The following CSMD1 variants were observed in gnomAD, a reference collection of about 807,000 sequenced individuals.
CSMD1 encodes CUB and sushi domain-containing protein 1.
CSMD1 carries 213 observed loss-of-function variants against 417.5 expected under a neutral mutation model. The observed-to-expected ratio is 0.51, with a 90% CI of 0.46 to 0.57. The LOEUF (loss-of-function observed/expected upper bound fraction) is 0.57, where lower values mean the gene tolerates loss of function less well. Ranked by LOEUF, CSMD1 falls within the 20% of genes least tolerant of loss-of-function variation. The pLI, the probability that CSMD1 is intolerant of heterozygous loss-of-function variation, is 0.00. For synonymous variants in CSMD1, 2,862 were observed against 1,736.8 expected, an observed-to-expected ratio of 1.65 and a Z score of -16.11; for missense variants, 6,923 against 4,529.7, an observed-to-expected ratio of 1.53 and a Z score of -15.17.
At chr8:3,682,797 G>A (rs1171669116) in intron 7 of CSMD1, among the ~76,000 whole-genome samples, 1 of 152,128 alleles carries the variant, frequency 6.6e-6, no homozygotes, top group Non-Finnish European at 1.5e-5. Flanking sequence ...CAACCTAAAT[G>A]TCCAACAATG....
chr8:4,303,087 T>G (rs1798066409), intron 3 of CSMD1, among the ~76,000 whole-genome samples: 1 of 152,038 alleles, frequency 6.6e-6, no homozygotes, highest in Admixed American at 6.6e-5. Context: ...ACACAGACAA[T>G]TTTTGAGTAA....
chr8:4,144,427 G>T (rs899042556), intron 3 of CSMD1, among the ~76,000 whole-genome samples: 3 of 151,234 alleles, frequency 2.0e-5, no homozygotes, highest in Non-Finnish European at 2.9e-5. Flanking sequence ...CTGAAGTGAA[G>T]AATCACATTT....
chr8:4,021,159 G>A (rs1019511870), intron 4 of CSMD1, among the ~76,000 whole-genome samples: 5 of 152,178 alleles, frequency 3.3e-5, no homozygotes, highest in Admixed American at 2.0e-4. Flanking sequence ...TCATGAGCAC[G>A]TGAAATGTGG....
At chr8:3,098,331 G>A (rs1033771198) in intron 46 of CSMD1, among the ~76,000 whole-genome samples, 2 of 152,172 alleles carry the variant, frequency 1.3e-5, no homozygotes, top group Non-Finnish European at 2.9e-5. Context: ...TTTTCAAACA[G>A]ATGAGCGAAG....
intron 5 of CSMD1, among the ~76,000 whole-genome samples, chr8:3,996,088 C>T (rs1361891040): frequency 2.0e-5 from 3 of 152,168 alleles, no homozygotes; most frequent in African/African-American, 4.8e-5. Context: ...TCTCATCACA[C>T]TCATGATCTG....
chr8:4,316,665 A>T (rs1488636065), intron 3 of CSMD1, among the ~76,000 whole-genome samples: 1 of 151,994 alleles, frequency 6.6e-6, no homozygotes, highest in Non-Finnish European at 1.5e-5. Context: ...AAGATGAAGG[A>T]CTCAAATGCA....
chr8:4,306,482 G>C (rs1285520737), intron 3 of CSMD1, among the ~76,000 whole-genome samples: 1 of 152,202 alleles, frequency 6.6e-6, no homozygotes, highest in Admixed American at 6.5e-5. Context: ...TGCCTCAGCA[G>C]GGTGTAAGAT....
chr8:4,949,893 A>C (rs113837101), intron 1 of CSMD1, among the ~76,000 whole-genome samples: 2 of 148,154 alleles, frequency 1.3e-5, no homozygotes, highest in African/African-American at 5.0e-5. Flanking sequence ...AAAAACTCCA[A>C]TTACTTTTGC....
chr8:3,691,183 A>T (rs1352686713), intron 7 of CSMD1, among the ~76,000 whole-genome samples: 1 of 152,092 alleles, frequency 6.6e-6, no homozygotes, highest in Non-Finnish European at 1.5e-5. Context: ...CGTGACCAAC[A>T]TGGTGAAACC....
rs138200493 is a variant in CSMD1, at chr8:4,403,928, G to A, written c.415+16025C>T. On this transcript the variant is annotated intron_variant, in intron 3 of 69. Transcript: ENST00000635120. ...CACACCCGCATTAACTCCAATCTTCGCCTTTTGAAGTGTCCTCTTTCAAAA... is the reference window on the plus strand; with the variant it reads ...CACACCCGCATTAACTCCAATCTTCACCTTTTGAAGTGTCCTCTTTCAAAA... Among the ~76,000 whole-genome samples the A allele has an allele frequency of 9.9e-3, 1,501 of 152,064 alleles. 14 individuals are homozygous for A. The highest frequency in any genetic ancestry group is 0.011 in the Admixed American group (173 of 15,270).
chr8:3,196,638 T>A (rs1160560170), intron 33 of CSMD1, among the ~76,000 whole-genome samples: 1 of 152,148 alleles, frequency 6.6e-6, no homozygotes, highest in African/African-American at 2.4e-5. Context: ...TCACAGCTGA[T>A]GAAGTGGTTG....
At chr8:3,821,212 C>A (rs13255204) in intron 5 of CSMD1, among the ~76,000 whole-genome samples, 5 of 151,966 alleles carry the variant, frequency 3.3e-5, no homozygotes, top group Non-Finnish European at 2.9e-5. Flanking sequence ...ACCACCGTAC[C>A]CAGCTCTAGG....
At chr8:3,210,187 G>C (rs1049858418) in intron 30 of CSMD1, among the ~76,000 whole-genome samples, 26 of 152,230 alleles carry the variant, frequency 1.7e-4, no homozygotes, top group African/African-American at 5.1e-4. Context: ...GCACAAATGT[G>C]CTGCTCTCCA....
intron 26 of CSMD1, among the ~76,000 whole-genome samples, chr8:3,277,640 G>A (rs1415696728): frequency 6.6e-6 from 1 of 152,134 alleles, no homozygotes; most frequent in Non-Finnish European, 1.5e-5. Context: ...GCCCAGGATT[G>A]GGAAAAGCAT....
chr8:3,858,362 A>T (rs1463665418), intron 5 of CSMD1, among the ~76,000 whole-genome samples: 2 of 152,086 alleles, frequency 1.3e-5, no homozygotes, highest in African/African-American at 4.8e-5. Context: ...TTCATGCTTG[A>T]CCTTGGTTTT....
intron 4 of CSMD1, among the ~76,000 whole-genome samples, chr8:4,028,740 A>G (rs1230289973): frequency 6.6e-6 from 1 of 152,196 alleles, no homozygotes; most frequent in Non-Finnish European, 1.5e-5. Context: ...AATAATTATT[A>G]CATTAGTGCT....
rs773066552 is a variant in CSMD1, at chr8:4,877,092, T to C, written c.85+117240A>G. Among the ~76,000 whole-genome samples the C allele has an allele frequency of 2.0e-4, 31 of 152,122 alleles. 1 individual carries two copies. Among genetic ancestry groups the C allele is most frequent in the Non-Finnish European group, 3.5e-4 (24 of 68,018 alleles). ...TTATTTCTTTCAAATACACTACTTA[T>C]TGAATTCCATTTATAAAGATTTAAG... is the stretch of plus-strand genomic sequence containing the variant. On this transcript the variant is annotated intron_variant, in intron 1 of 69. Coordinates refer to ENST00000635120, the MANE Select transcript of CSMD1 (RefSeq NM_033225.6).
At chr8:4,303,828 G>A (rs1371813264) in intron 3 of CSMD1, among the ~76,000 whole-genome samples, 2 of 151,886 alleles carry the variant, frequency 1.3e-5, no homozygotes, top group Non-Finnish European at 2.9e-5. Context: ...GCTAATTGTT[G>A]TAGTTTTTAG....
chr8:4,079,507 A>T (rs1305130480), intron 3 of CSMD1, among the ~76,000 whole-genome samples: 1 of 152,210 alleles, frequency 6.6e-6, no homozygotes, highest in African/African-American at 2.4e-5. Context: ...GCCTATTGAA[A>T]CAATGAAGAC....
Sources: gnomAD v4.1 joint callset for allele counts (sites outside exome capture counted in the v4.1 genomes callset) on GRCh38, gnomAD v4.1.1 for gene constraint, MANE v1.5 for transcripts, NCBI Gene and HGNC (gene_info 2026-07-23, HGNC 2026-07-21) for gene names.